USH2A: variants seen among roughly 807,000 people sequenced by gnomAD.
USH2A encodes the protein usherin.
A neutral mutation model predicts 538.9 loss-of-function variants in USH2A; 443 were observed. The ratio of observed to expected loss-of-function variants is 0.82; its 90% CI spans 0.76 to 0.89. The LOEUF (loss-of-function observed/expected upper bound fraction) is 0.89, where lower values mean the gene tolerates loss of function less well. Among genes scored for constraint, USH2A ranks in the 40% least tolerant of loss-of-function variants. USH2A has a pLI of 0.00. For synonymous variants in USH2A, 2,413 were observed against 2,273.5 expected (o/e 1.06, Z -1.75); for missense variants, 6,633 against 6,324.8 (o/e 1.05, Z -1.65).
chr1:216,017,181 TCA>T (rs1405292614), intron 32 of USH2A, among the ~76,000 whole-genome samples: 1 of 152,076 alleles, frequency 6.6e-6, no homozygotes, highest in Non-Finnish European at 1.5e-5. Context: ...TCCTTCTCTC[TCA>T]GTCTCCTCTC....
At chr1:216,089,910 C>G (rs972712276) in intron 22 of USH2A, among the ~76,000 whole-genome samples, 1 of 151,780 alleles carries the variant, frequency 6.6e-6, no homozygotes, top group African/African-American at 2.4e-5. Context: ...GTTATAGTAG[C>G]CTTGGTTACC....
chr1:215,967,638 G>A (rs1667383844), intron 36 of USH2A, among the ~76,000 whole-genome samples: 2 of 152,036 alleles, frequency 1.3e-5, no homozygotes, highest in South Asian at 4.1e-4. Flanking sequence ...AGGGATTTAA[G>A]GGGTTTAAGC....
At chr1:216,326,813 T>C (rs1224101975) in intron 5 of USH2A, among the ~76,000 whole-genome samples, 1 of 152,214 alleles carries the variant, frequency 6.6e-6, no homozygotes, top group African/African-American at 2.4e-5. Context: ...CTAATTTATA[T>C]CTGCCTTGAA....
intron 9 of USH2A, among the ~76,000 whole-genome samples, chr1:216,316,968 ACT>A (rs1020839550): frequency 6.6e-6 from 1 of 152,036 alleles, no homozygotes; most frequent in Non-Finnish European, 1.5e-5. Context: ...TTCCTTCTAG[ACT>A]CTGGATATTA....
At chr1:216,398,478 T>C in intron 3 of USH2A, among the ~76,000 whole-genome samples, 1 of 152,062 alleles carries the variant, frequency 6.6e-6, no homozygotes, top group Non-Finnish European at 1.5e-5. Flanking sequence ...AGAGAAAACC[T>C]TTTTAGCAAA....
At chr1:216,113,665 C>T (rs2032930707) in intron 21 of USH2A, among the ~76,000 whole-genome samples, 2 of 151,880 alleles carry the variant, frequency 1.3e-5, no homozygotes, top group African/African-American at 4.8e-5. Flanking sequence ...GTTTCTTTGT[C>T]TGTCACTTGT....
At chr1:215,692,860 C>T (rs1281320891) in intron 61 of USH2A, among the ~76,000 whole-genome samples, 1 of 151,820 alleles carries the variant, frequency 6.6e-6, no homozygotes, top group Non-Finnish European at 1.5e-5. Flanking sequence ...GTTTAGTTCT[C>T]CTCCCTTATG....
chr1:215,796,775 G>A (rs1339170971), intron 50 of USH2A, among the ~76,000 whole-genome samples: 1 of 152,140 alleles, frequency 6.6e-6, no homozygotes, highest in Non-Finnish European at 1.5e-5. Context: ...GCCAAGACAG[G>A]CCAAAAACTA....
intron 3 of USH2A, among the ~76,000 whole-genome samples, chr1:216,394,654 A>G (rs2039173125): frequency 6.6e-6 from 1 of 151,894 alleles, no homozygotes; most frequent in African/African-American, 2.4e-5. Context: ...ATGTCCCCAC[A>G]ATGTCTCTAA....
At chr1:216,127,441 C>T (rs908190394) in intron 21 of USH2A, among the ~76,000 whole-genome samples, 2 of 152,092 alleles carry the variant, frequency 1.3e-5, no homozygotes, top group Non-Finnish European at 2.9e-5. Context: ...ATGTATCCAT[C>T]GAGATGTCTA....
At chr1:216,355,123 C>T (rs572591878) in intron 4 of USH2A, among the ~76,000 whole-genome samples, 1 of 151,890 alleles carries the variant, frequency 6.6e-6, no homozygotes, top group Non-Finnish European at 1.5e-5. Context: ...GCCTGGCCAA[C>T]ATGGTGAAAC....
In USH2A at chr1:215,836,497, TAATATATATTA is replaced by T. The variant is rs1341528555; in HGVS notation, c.9371+1483_9371+1493del. Among the ~76,000 whole-genome samples, 158 of 16,750 alleles carry T rather than the reference TAATATATATTA, an allele frequency of 9.4e-3. 3 individuals are homozygous for T. Among genetic ancestry groups the T allele is most frequent in the East Asian group, 0.071 (12 of 168 alleles). 11.0% of individuals were successfully genotyped at this position (16,750 alleles called of 152,430 possible). A position where few individuals can be genotyped will look rare whatever the true frequency, so the allele number is the denominator to read the frequency against. The stretch of plus-strand genomic sequence containing the variant: ...ATATATATAATATATATTATATATA[TAATATATATTA>T]TATATATATAATATATATTATATAT... On this transcript the variant is annotated intron_variant, in intron 47 of 71. Transcript: ENST00000307340.
chr1:216,087,723 G>C (rs905261222), intron 23 of USH2A, among the ~76,000 whole-genome samples: 2 of 152,026 alleles, frequency 1.3e-5, no homozygotes, highest in Non-Finnish European at 2.9e-5. Context: ...CTGTTAATTT[G>C]ACATTCACAG....
At chr1:215,874,581 A>T (rs1354722286) in intron 43 of USH2A, among the ~76,000 whole-genome samples, 1 of 152,346 alleles carries the variant, frequency 6.6e-6, no homozygotes, top group South Asian at 2.1e-4. Flanking sequence ...ACACATACTT[A>T]GCCAAAATAG....
At chr1:216,155,475 T>C (rs944891583) in intron 21 of USH2A, among the ~76,000 whole-genome samples, 3 of 152,174 alleles carry the variant, frequency 2.0e-5, no homozygotes, top group Non-Finnish European at 4.4e-5. Flanking sequence ...TAATGACTCA[T>C]GACTCAACCC....
intron 60 of USH2A, among the ~76,000 whole-genome samples, chr1:215,738,195 A>G (rs960913698): frequency 2.0e-5 from 3 of 152,200 alleles, no homozygotes; most frequent in Non-Finnish European, 2.9e-5. Context: ...AAGGTTGCAG[A>G]TATAAAATAA....
intron 38 of USH2A, among the ~76,000 whole-genome samples, chr1:215,921,292 A>G (rs1359055669): frequency 3.3e-5 from 5 of 152,060 alleles, no homozygotes; most frequent in Non-Finnish European, 5.9e-5. Flanking sequence ...GATGAGTCCA[A>G]CTGGTTGGTT....
At chr1:216,116,901 C>T (rs947017741) in intron 21 of USH2A, among the ~76,000 whole-genome samples, 52 of 152,168 alleles carry the variant, frequency 3.4e-4, no homozygotes, top group African/African-American at 1.3e-3. Flanking sequence ...CTTGATCACA[C>T]ATCTAATTTT....
chr1:215,850,779 G>T (rs1663997141), intron 44 of USH2A, among the ~76,000 whole-genome samples: 1 of 152,108 alleles, frequency 6.6e-6, no homozygotes, highest in Non-Finnish European at 1.5e-5. Flanking sequence ...CTCCAAGATA[G>T]TCCATATGAT....
Sources: allele counts gnomAD v4.1 joint callset (sites outside exome capture counted in the v4.1 genomes callset), GRCh38; gene constraint gnomAD v4.1.1; transcripts MANE v1.5; gene names NCBI Gene and HGNC (gene_info 2026-07-23, HGNC 2026-07-21).